YY1: variants seen among roughly 807,000 people sequenced by gnomAD.
YY1 encodes YY1 transcription factor.
In YY1, 2 loss-of-function variants were observed where a neutral mutation model predicts 35.6. The ratio of observed to expected loss-of-function variants is 0.06; its 90% confidence interval spans 0.02 to 0.18. The LOEUF (loss-of-function observed/expected upper bound fraction) is 0.18. Among genes scored for constraint, YY1 ranks in the 10% least tolerant of loss-of-function variants. The pLI is 1.00. For synonymous variants in YY1, 268 were observed against 238.9 expected (o/e 1.12, Z -1.12); for missense variants, 322 against 573.4 (o/e 0.56, Z 4.48).
chr14:100,240,351 C>T (rs1378519828), intron 1 of YY1, among the ~76,000 whole-genome samples: 6 of 148,184 alleles, frequency 4.0e-5, no homozygotes, highest in Non-Finnish European at 9.0e-5. Context: ...GCGCCGCGGC[C>T]TCGCGGGCCA....
chr14:100,243,302 C>T (rs1028271941), intron 1 of YY1, among the ~76,000 whole-genome samples: 1 of 152,208 alleles, frequency 6.6e-6, no homozygotes, highest in Non-Finnish European at 1.5e-5. Flanking sequence ...TGTACTTGAT[C>T]TCATTTGATC....
intron 1 of YY1, among the ~76,000 whole-genome samples, chr14:100,242,450 A>G (rs1402813669): frequency 7.6e-6 from 1 of 132,158 alleles, no homozygotes; most frequent in Non-Finnish European, 1.5e-5. Flanking sequence ...GTGCAGTGGC[A>G]TGATCTCGGC....
intron 1 of YY1, among the ~76,000 whole-genome samples, chr14:100,260,601 T>C (rs2139587647): frequency 6.6e-6 from 1 of 150,720 alleles, no homozygotes; most frequent in South Asian, 2.1e-4. Context: ...GCCTCCTGAG[T>C]AGCCAGGACT....
Position 100,276,377 on chromosome 14 carries a change from TG to T in YY1, c.904-107del, listed in dbSNP as rs541048841. 3.5e-6 allele frequency: 5 copies of T among 1,410,164 alleles called. No homozygotes were observed. The highest frequency in any genetic ancestry group is 1.8e-4 in the Middle Eastern group (1 of 5,626). The allele number at this position is 1,410,164 out of a possible 1,614,324, so 87.4% of individuals were successfully genotyped here. A position where few individuals can be genotyped will look rare whatever the true frequency, so the allele number is the denominator to read the frequency against. On this transcript the variant is annotated intron_variant, in intron 3 of 4. Coordinates refer to ENST00000262238, the MANE Select transcript of YY1 (RefSeq NM_003403.5). This position sits in a 1 kb window ranked among gnomAD's most constrained non-coding sequence, Gnocchi z 4.1. ...ACCGTAATACTAAGTAAAATTAAAA[TG>T]GGGGGTTGGGGAGGTGGTTTTGTTT... is the stretch of plus-strand genomic sequence containing the variant.
chr14:100,260,415 G>A (rs997012203), intron 1 of YY1, among the ~76,000 whole-genome samples: 9 of 135,670 alleles, frequency 6.6e-5, no homozygotes, highest in African/African-American at 2.6e-4. Context: ...TATGGGGTCT[G>A]AATATATGAA....
chr14:100,274,889 A>G, intron 3 of YY1, 131 bp downstream of exon 3: 1 of 942,596 alleles, frequency 1.1e-6, no homozygotes, highest in South Asian at 1.5e-5. Flanking sequence ...TCGGTTTCTA[A>G]ATCCAAGAGA....
chr14:100,254,529 C>T (rs922081529), intron 1 of YY1, among the ~76,000 whole-genome samples: 6 of 152,136 alleles, frequency 3.9e-5, no homozygotes, highest in Non-Finnish European at 5.9e-5. Context: ...GCAATTTCAG[C>T]TTACTGCAAA....
chr14:100,276,721 T>G lies in YY1; in HGVS notation c.1062+73T>G, dbSNP rs1415022850. On this transcript the variant is annotated intron_variant, in intron 4 of 4. Transcript: ENST00000262238. The surrounding 1 kb of genome is among the most constrained non-coding windows in gnomAD (Gnocchi z 4.1). ...ACTGCAAGTGTAGGTGGTGTGGTGA[T>G]GAGGCAGGAGGCGCCAGCCCAGAGA... The G allele has an allele frequency of 6.2e-7, 1 of 1,609,160 alleles. No individual in the cohort carries two copies. Among genetic ancestry groups the G allele is most frequent in the African/African-American group, 1.3e-5 (1 of 74,876 alleles).
chr14:100,275,459 G>T (rs1278747842), intron 3 of YY1, among the ~76,000 whole-genome samples: 1 of 152,264 alleles, frequency 6.6e-6, no homozygotes, highest in East Asian at 1.9e-4. Flanking sequence ...TTGATGTGGC[G>T]ATTTGAAATG....
chr14:100,265,322 G>C (rs1286554235), intron 2 of YY1: 1 of 151,940 alleles, frequency 6.6e-6, no homozygotes, highest in Non-Finnish European at 1.5e-5. Flanking sequence ...AGGTTGCAGT[G>C]AGCTGAGATC....
Position 100,239,272 on chromosome 14 carries a change from G to C in YY1, c.28G>C (p.Ala10Pro). Residue 10 changes from alanine to proline, a missense_variant, in exon 1 of 5, where the codon GCC becomes CCC. Coordinates refer to ENST00000262238, the MANE Select transcript of YY1 (RefSeq NM_003403.5). ...GGCCTCGGGCGACACCCTCTACATCGCCACGGACGGCTCGGAGATGCCGGC... is the reference window on the plus strand; with the variant it reads ...GGCCTCGGGCGACACCCTCTACATCCCCACGGACGGCTCGGAGATGCCGGC... MASGDTLYI[A>P]TDGSEMPAEI... 2 of 1,583,702 alleles carry C rather than the reference G, an allele frequency of 1.3e-6. No homozygotes were observed. The highest frequency in any genetic ancestry group is 1.7e-6 in the Non-Finnish European group (2 of 1,167,586).
chr14:100,239,742 G>A lies in YY1; in HGVS notation c.498G>A (p.Ser166=). The A allele has an allele frequency of 6.3e-7, 1 of 1,588,532 alleles. No homozygotes were observed. Among genetic ancestry groups the A allele is most frequent in the African/African-American group, 1.4e-5 (1 of 73,746 alleles). The change falls in exon 1 of 5, where the codon TCG becomes TCA. Residue 166 remains serine (S), a synonymous_variant. Transcript: ENST00000262238. ...AGAGCGGCGGCGGCGGCTCGTCGTCGTCGGGAGGCGGCCGCGTCAAGAAGG... is the reference window on the plus strand; with the variant it reads ...AGAGCGGCGGCGGCGGCTCGTCGTCATCGGGAGGCGGCCGCGTCAAGAAGG... ...AGKSGGGGSS[S]SGGGRVKKGG...
Position 100,239,295 on chromosome 14 carries a change from G to C in YY1, c.51G>C (p.Pro17=). 1 of 1,599,044 alleles carries C rather than the reference G, an allele frequency of 6.3e-7. No homozygotes were observed. Among genetic ancestry groups the C allele is most frequent in the Non-Finnish European group, 8.5e-7 (1 of 1,174,192 alleles). ...TCGCCACGGACGGCTCGGAGATGCC[G>C]GCCGAGATCGTGGAGCTGCACGAGA... The part of the protein sequence containing the change: ...LYIATDGSEM[P]AEIVELHEIE... The change falls in exon 1 of 5, where the codon CCG becomes CCC. Residue 17 remains proline, a synonymous_variant. Transcript: ENST00000262238.
At chr14:100,264,870 G>C (rs1284414384) in intron 2 of YY1, among the ~76,000 whole-genome samples, 1 of 152,176 alleles carries the variant, frequency 6.6e-6, no homozygotes, top group Non-Finnish European at 1.5e-5. Context: ...TCAACACTTT[G>C]GGAAGCTGAG....
chr14:100,251,000 A>G (rs1566771882), intron 1 of YY1, among the ~76,000 whole-genome samples: 1 of 152,126 alleles, frequency 6.6e-6, no homozygotes. Context: ...CTCAAATGAA[A>G]AGAGAGAGAG....
intron 3 of YY1, among the ~76,000 whole-genome samples, chr14:100,274,971 T>G (rs1891298463): frequency 6.6e-6 from 1 of 152,216 alleles, no homozygotes; most frequent in South Asian, 2.1e-4. Context: ...GAGCCGTTGC[T>G]TGATTACTGT....
At chr14:100,260,771 CTTTTTTTTTTTTTTTTTT>C (rs71113254) in intron 1 of YY1, among the ~76,000 whole-genome samples, 95 of 42,570 alleles carry the variant, frequency 2.2e-3, no homozygotes, top group Non-Finnish European at 1.5e-3. Flanking sequence ...GTGCCTGGTC[CTTTTTTTTTTTTTTTTTT>C]TTTTTTTTTT....
intron 1 of YY1, among the ~76,000 whole-genome samples, chr14:100,240,765 A>G (rs1890725797): frequency 6.6e-6 from 1 of 151,884 alleles, no homozygotes; most frequent in Non-Finnish European, 1.5e-5. Flanking sequence ...ATGTTAGCGA[A>G]TAATTCTTAG....
At position 100,282,507 on chromosome 14, in the gene YY1, A is replaced by C. The variant is rs9291; in HGVS notation, c.*4907A>C. On this transcript the variant is annotated 3_prime_UTR_variant, in exon 5 of 5. Transcript: ENST00000262238. ...TTATCAACAGGTGGTGAGAAAAATT[A>C]TGTTTTTATTCGCTTTCTGGTAACT... The C allele has an allele frequency of 0.89, 136,020 of 152,156 alleles. 61,813 individuals carry two copies. The highest frequency in any genetic ancestry group is 1 in the East Asian group (5,162 of 5,166). The allele number at this position is 152,156 out of a possible 1,614,324, so 9.4% of individuals were successfully genotyped here. A position where few individuals can be genotyped will look rare whatever the true frequency, so the allele number is the denominator to read the frequency against.
Sources: gnomAD v4.1 joint callset for allele counts (sites outside exome capture counted in the v4.1 genomes callset) on GRCh38, gnomAD v4.1.1 for gene constraint, Gnocchi (gnomAD v3.1) non-coding constraint, MANE v1.5 for transcripts, NCBI Gene and HGNC (gene_info 2026-07-23, HGNC 2026-07-21) for gene names.